THAP11: variants seen among roughly 807,000 people sequenced by gnomAD.
The protein encoded by THAP11 is THAP domain containing 11.
Under a neutral mutation model 24.1 loss-of-function variants are expected in THAP11, and 8 were observed. That is an observed-to-expected ratio of 0.33 (90% CI 0.20 to 0.60). The LOEUF (loss-of-function observed/expected upper bound fraction) is 0.60. Ranked by LOEUF, THAP11 falls within the 20% of genes least tolerant of loss-of-function variation. The pLI is 0.82. For synonymous variants in THAP11, 222 were observed against 180.2 expected, an observed-to-expected ratio of 1.23 and a Z score of -1.86; for missense variants, 276 against 418.4, an observed-to-expected ratio of 0.66 and a Z score of 2.97.
chr16:67,842,875 A>ACAG lies in THAP11; in HGVS notation c.336_338dup (p.Gln132dup), dbSNP rs762773277. 4.7e-4 allele frequency: 759 copies of ACAG among 1,600,162 alleles called. 2 individuals carry two copies. Among genetic ancestry groups the ACAG allele is most frequent in the Middle Eastern group, 2.9e-3 (17 of 5,884 alleles). Reference sequence around the variant, plus strand: ...CCGCCCGCCGCAGGCAGCAGCAGCAACAGCAGCAGCAGCAGCAACAGCAGC... The same window carrying ACAG: ...CCGCCCGCCGCAGGCAGCAGCAGCAACAGCAGCAGCAGCAGCAGCAACAGCAGC... On this transcript the variant is annotated inframe_insertion, in exon 1 of 1. Transcript: ENST00000303596. This position sits in a 1 kb window ranked among gnomAD's most constrained non-coding sequence, Gnocchi z 4.9.
At position 67,843,636 on chromosome 16, in the gene THAP11, G is replaced by A; in HGVS notation, c.*137G>A. On this transcript the variant is annotated 3_prime_UTR_variant, in exon 1 of 1. Coordinates refer to ENST00000303596, the MANE Select transcript of THAP11 (RefSeq NM_020457.3). The surrounding 1 kb of genome is among the most constrained non-coding windows in gnomAD (Gnocchi z 5.7). ...AAGGCAGCTGGACTCTCTTGCTGGT[G>A]ACCTGGCATCCTCAATTGTTTCCTC... 2.3e-6 allele frequency: 2 copies of A among 862,082 alleles called. No homozygotes were observed. Among genetic ancestry groups the A allele is most frequent in the South Asian group, 3.7e-5 (2 of 54,044 alleles). The allele number at this position is 862,082 out of a possible 1,614,324, so 53.4% of individuals were successfully genotyped here. A position where few individuals can be genotyped will look rare whatever the true frequency, so the allele number is the denominator to read the frequency against.
chr16:67,842,592 A>G lies in THAP11; in HGVS notation c.38A>G (p.Asn13Ser), dbSNP rs1314632393. The change falls in exon 1 of 1, where the codon AAC (asparagine) becomes AGC (serine). Residue 13 changes from asparagine (N) to serine (S), a missense_variant. Physicochemically the swap from Asn to Ser is conservative, Grantham distance 46. Transcript: ENST00000303596. This position sits in a 1 kb window ranked among gnomAD's most constrained non-coding sequence, Gnocchi z 4.9. ...ACGTGCTGCGTGCCAGGCTGCTACA[A>G]CAACTCGCACCGGGACAAGGCGCTG... ...GFTCCVPGCY[N>S]NSHRDKALHF... The G allele has an allele frequency of 1.9e-6, 3 of 1,546,736 alleles. No homozygotes were observed. The highest frequency in any genetic ancestry group is 3.9e-5 in the Admixed American group (2 of 50,780).
chr16:67,843,601 A>C lies in THAP11; in HGVS notation c.*102A>C. On this transcript the variant is annotated 3_prime_UTR_variant, in exon 1 of 1. Coordinates refer to ENST00000303596, the MANE Select transcript of THAP11 (RefSeq NM_020457.3). This position sits in a 1 kb window ranked among gnomAD's most constrained non-coding sequence, Gnocchi z 5.7. Reference sequence around the variant, plus strand: ...ATACTCCTGGGCACTGGTTGACAGTACTGAGGCTTAAGGCAGCTGGACTCT... The same window carrying C: ...ATACTCCTGGGCACTGGTTGACAGTCCTGAGGCTTAAGGCAGCTGGACTCT... The C allele has an allele frequency of 2.4e-6, 3 of 1,231,292 alleles. No individual in the cohort carries two copies. The highest frequency in any genetic ancestry group is 3.4e-6 in the Non-Finnish European group (3 of 892,390). The allele number at this position is 1,231,292 out of a possible 1,614,324, so 76.3% of individuals were successfully genotyped here.
Position 67,842,473 on chromosome 16 carries a change from G to C in THAP11, c.-82G>C, listed in dbSNP as rs1161236090. On this transcript the variant is annotated 5_prime_UTR_variant, in exon 1 of 1. Coordinates refer to ENST00000303596, the MANE Select transcript of THAP11 (RefSeq NM_020457.3). This position sits in a 1 kb window ranked among gnomAD's most constrained non-coding sequence, Gnocchi z 4.9. Reference sequence around the variant, plus strand: ...AAGGCCTCGCGCGGCGCCGCCCGTCGAGGGGCGGGCGGCGGCGTAGCCACT... The same window carrying C: ...AAGGCCTCGCGCGGCGCCGCCCGTCCAGGGGCGGGCGGCGGCGTAGCCACT... The C allele has an allele frequency of 1.7e-6, 2 of 1,148,746 alleles. No homozygotes were observed. Among genetic ancestry groups the C allele is most frequent in the African/African-American group, 1.6e-5 (1 of 61,522 alleles). 71.2% of individuals were successfully genotyped at this position (1,148,746 alleles called of 1,614,324 possible).
rs770050625 is a variant in THAP11 at position 67,843,549 on chromosome 16, G to C, written c.*50G>C. ...ACTCCCAGACCCCATCCAGCCAGGG[G>C]ACCGCAGGCCATTGTTGAACTCCTC... is the stretch of plus-strand genomic sequence containing the variant. On this transcript the variant is annotated 3_prime_UTR_variant, in exon 1 of 1. Coordinates refer to ENST00000303596, the MANE Select transcript of THAP11 (RefSeq NM_020457.3). This position sits in a 1 kb window ranked among gnomAD's most constrained non-coding sequence, Gnocchi z 5.7. 2.6e-6 allele frequency: 4 copies of C among 1,561,180 alleles called. No homozygotes were observed. Among genetic ancestry groups the C allele is most frequent in the Non-Finnish European group, 3.5e-6 (4 of 1,151,890 alleles).
At position 67,842,534 on chromosome 16, in the gene THAP11, G is replaced by A; in HGVS notation, c.-21G>A. 6.7e-7 allele frequency: 1 copy of A among 1,490,300 alleles called. No homozygotes were observed. The highest frequency in any genetic ancestry group is 1.3e-5 in the South Asian group (1 of 76,200). 92.3% of individuals were successfully genotyped at this position (1,490,300 alleles called of 1,614,324 possible). A position where few individuals can be genotyped will look rare whatever the true frequency, so the allele number is the denominator to read the frequency against. On this transcript the variant is annotated 5_prime_UTR_variant, in exon 1 of 1. Coordinates refer to ENST00000303596, the MANE Select transcript of THAP11 (RefSeq NM_020457.3). This position sits in a 1 kb window ranked among gnomAD's most constrained non-coding sequence, Gnocchi z 4.9. ...AGAGCGCAGGAGGCCGGTGGGCCGG[G>A]CCGGGCCGCGCGGCGCAGCCATGCC...
At position 67,842,823 on chromosome 16, in the gene THAP11, T is replaced by C. The variant is rs1421486627; in HGVS notation, c.269T>C (p.Val90Ala). 3 of 1,609,044 alleles carry C rather than the reference T, an allele frequency of 1.9e-6. No individual in the cohort carries two copies. The highest frequency in any genetic ancestry group is 2.7e-5 in the African/African-American group (2 of 74,310). The part of the protein sequence containing the change: ...FPLRGVNERK[V>A]ARRPAGAAAA... ...CTGCGCGGCGTCAATGAGCGCAAAG[T>C]AGCGCGCAGACCCGCTGGGGCCGCG... Residue 90 changes from valine (V) to alanine (A), a missense_variant, in exon 1 of 1, where the codon GTA becomes GCA. Val to Ala is a moderately conservative substitution (Grantham distance 64, BLOSUM62 0). This residue lies in a region of THAP11 where 210 missense variants were observed against 203.4 expected (regional missense o/e 1.03). Transcript: ENST00000303596. The surrounding 1 kb of genome is among the most constrained non-coding windows in gnomAD (Gnocchi z 4.9).
In THAP11 at chr16:67,843,117, T is replaced by A. The variant is rs752626255; in HGVS notation, c.563T>A (p.Ile188Asn). The A allele has an allele frequency of 6.2e-7, 1 of 1,610,420 alleles. No homozygotes were observed. The highest frequency in any genetic ancestry group is 8.5e-7 in the Non-Finnish European group (1 of 1,179,808). Residue 188 changes from isoleucine to asparagine, a missense_variant, in exon 1 of 1, where the codon ATC becomes AAC. Transcript: ENST00000303596. This position sits in a 1 kb window ranked among gnomAD's most constrained non-coding sequence, Gnocchi z 5.7. Reference sequence around the variant, plus strand: ...CCCACTGGAGAAGACGTGAAGCCCATCGATCTCACAGTGCAAGTGGAGTTT... The same window carrying A: ...CCCACTGGAGAAGACGTGAAGCCCAACGATCTCACAGTGCAAGTGGAGTTT... ...ITPTGEDVKP[I>N]DLTVQVEFAA...
chr16:67,844,077 A>G lies in THAP11; in HGVS notation c.*578A>G, dbSNP rs995597670. ...TGGAGATCCAGCTTGCCAGGGACTT[A>G]GGTTTATCCTGTTTTGTTTGCTACT... On this transcript the variant is annotated 3_prime_UTR_variant, in exon 1 of 1. Transcript: ENST00000303596. 1 of 167,104 alleles carries G rather than the reference A, an allele frequency of 6.0e-6. No homozygotes were observed. The highest frequency in any genetic ancestry group is 2.4e-5 in the African/African-American group (1 of 41,428). 10.4% of individuals were successfully genotyped at this position (167,104 alleles called of 1,614,324 possible). A position where few individuals can be genotyped will look rare whatever the true frequency, so the allele number is the denominator to read the frequency against.
chr16:67,843,621 G>T lies in THAP11; in HGVS notation c.*122G>T. ...ACAGTACTGAGGCTTAAGGCAGCTG[G>T]ACTCTCTTGCTGGTGACCTGGCATC... On this transcript the variant is annotated 3_prime_UTR_variant, in exon 1 of 1. Coordinates refer to ENST00000303596, the MANE Select transcript of THAP11 (RefSeq NM_020457.3). The surrounding 1 kb of genome is among the most constrained non-coding windows in gnomAD (Gnocchi z 5.7). 1 of 1,020,922 alleles carries T rather than the reference G, an allele frequency of 9.8e-7. No individual in the cohort carries two copies. The allele number at this position is 1,020,922 out of a possible 1,614,324, so 63.2% of individuals were successfully genotyped here. A position where few individuals can be genotyped will look rare whatever the true frequency, so the allele number is the denominator to read the frequency against.
In THAP11 at chr16:67,842,776, A is replaced by G. The variant is rs1239160254; in HGVS notation, c.222A>G (p.Val74=). 6.2e-7 allele frequency: 1 copy of G among 1,610,734 alleles called. No homozygotes were observed. The highest frequency in any genetic ancestry group is 8.5e-7 in the Non-Finnish European group (1 of 1,178,910). ...AGGGCGGCCGCAAGACCTACACGGTACGCGTCCCCACCATCTTCCCGCTGC... is the reference window on the plus strand; with the variant it reads ...AGGGCGGCCGCAAGACCTACACGGTGCGCGTCCCCACCATCTTCCCGCTGC... ...HFQGGRKTYT[V]RVPTIFPLRG... The change falls in exon 1 of 1, where the codon GTA becomes GTG. Residue 74 remains valine (V), a synonymous_variant. Transcript: ENST00000303596. The surrounding 1 kb of genome is among the most constrained non-coding windows in gnomAD (Gnocchi z 4.9).
In THAP11 at chr16:67,842,481, G is replaced by A; in HGVS notation, c.-74G>A. On this transcript the variant is annotated 5_prime_UTR_variant, in exon 1 of 1. Coordinates refer to ENST00000303596, the MANE Select transcript of THAP11 (RefSeq NM_020457.3). The surrounding 1 kb of genome is among the most constrained non-coding windows in gnomAD (Gnocchi z 4.9). ...GCGCGGCGCCGCCCGTCGAGGGGCG[G>A]GCGGCGGCGTAGCCACTGGGCCGTC... 9.9e-6 allele frequency: 12 copies of A among 1,206,258 alleles called. No individual in the cohort carries two copies. The highest frequency in any genetic ancestry group is 1.3e-5 in the Non-Finnish European group (12 of 954,772). The allele number at this position is 1,206,258 out of a possible 1,614,324, so 74.7% of individuals were successfully genotyped here.
At position 67,843,514 on chromosome 16, in the gene THAP11, A is replaced by T. The variant is rs1357712421; in HGVS notation, c.*15A>T. The stretch of plus-strand genomic sequence containing the variant: ...ACGGAATGTGAACTGGTGCCCCGGC[A>T]GCCTGCTGGACTCCCAGACCCCATC... On this transcript the variant is annotated 3_prime_UTR_variant, in exon 1 of 1. Coordinates refer to ENST00000303596, the MANE Select transcript of THAP11 (RefSeq NM_020457.3). The surrounding 1 kb of genome is among the most constrained non-coding windows in gnomAD (Gnocchi z 5.7). The T allele has an allele frequency of 6.3e-7, 1 of 1,593,870 alleles. No individual in the cohort carries two copies. The highest frequency in any genetic ancestry group is 8.6e-7 in the Non-Finnish European group (1 of 1,169,396).
Position 67,843,516 on chromosome 16 carries a change from C to T in THAP11, c.*17C>T. ...GGAATGTGAACTGGTGCCCCGGCAG[C>T]CTGCTGGACTCCCAGACCCCATCCA... On this transcript the variant is annotated 3_prime_UTR_variant, in exon 1 of 1. Coordinates refer to ENST00000303596, the MANE Select transcript of THAP11 (RefSeq NM_020457.3). The surrounding 1 kb of genome is among the most constrained non-coding windows in gnomAD (Gnocchi z 5.7). 2 of 1,592,884 alleles carry T rather than the reference C, an allele frequency of 1.3e-6. No individual in the cohort carries two copies. Among genetic ancestry groups the T allele is most frequent in the Non-Finnish European group, 1.7e-6 (2 of 1,168,944 alleles).
chr16:67,843,203 G>C lies in THAP11; in HGVS notation c.649G>C (p.Gly217Arg), dbSNP rs773345194. Residue 217 changes from glycine (G) to arginine (R), a missense_variant, in exon 1 of 1, where the codon GGG becomes CGG. By Grantham distance (125) the Gly-to-Arg change is moderately radical. Transcript: ENST00000303596. The surrounding 1 kb of genome is among the most constrained non-coding windows in gnomAD (Gnocchi z 5.7). ...AASELQAATA[G>R]LEAAECPMGP... ...GTCGGAGTTACAGGCTGCTACCGCA[G>C]GGCTGGAGGCTGCCGAGTGCCCTAT... The C allele has an allele frequency of 6.8e-6, 11 of 1,611,614 alleles. No homozygotes were observed. Among genetic ancestry groups the C allele is most frequent in the Non-Finnish European group, 9.3e-6 (11 of 1,179,732 alleles).
rs2057777935 is a variant in THAP11 at position 67,843,286 on chromosome 16, T to C, written c.732T>C (p.His244=). 6.2e-7 allele frequency: 1 copy of C among 1,613,760 alleles called. No homozygotes were observed. The highest frequency in any genetic ancestry group is 8.5e-7 in the Non-Finnish European group (1 of 1,179,982). ...GCTTCCCTGATACTGGCTCCGACCA[T>C]TCGTACTCCTTGTCGTCAGGCACCA... ...EEGFPDTGSD[H]SYSLSSGTTE... The change falls in exon 1 of 1, where the codon CAT becomes CAC. Residue 244 remains histidine, a synonymous_variant. Transcript: ENST00000303596. This position sits in a 1 kb window ranked among gnomAD's most constrained non-coding sequence, Gnocchi z 5.7.
Position 67,842,938 on chromosome 16 carries a change from G to C in THAP11, c.384G>C (p.Gln128His), listed in dbSNP as rs1378613103. ...AGCAGCAACAGCAGCAGCAGCAGCA[G>C]CAGCAGCAGCAGTCCTCACCCTCTG... Reference protein sequence around the residue: ...QQQQQQQQQQQQQQQSSPSAS... With the variant: ...QQQQQQQQQQHQQQQSSPSAS... Residue 128 changes from glutamine (Q) to histidine (H), a missense_variant, in exon 1 of 1, where the codon CAG becomes CAC. Around this residue, in one of 3 missense-constraint regions of THAP11, gnomAD observed 210 missense variants for 203.4 expected, o/e 1.03. Transcript: ENST00000303596. The surrounding 1 kb of genome is among the most constrained non-coding windows in gnomAD (Gnocchi z 4.9). 1 of 1,607,656 alleles carries C rather than the reference G, an allele frequency of 6.2e-7. No homozygotes were observed.
At position 67,842,941 on chromosome 16, in the gene THAP11, G is replaced by GCAGCAA. The variant is rs1430723954; in HGVS notation, c.392_393insACAGCA (p.Gln131_Gln132dup). On this transcript the variant is annotated inframe_insertion, in exon 1 of 1. Transcript: ENST00000303596. This position sits in a 1 kb window ranked among gnomAD's most constrained non-coding sequence, Gnocchi z 4.9. ...AGCAACAGCAGCAGCAGCAGCAGCA[G>GCAGCAA]CAGCAGCAGTCCTCACCCTCTGCCT... is the stretch of plus-strand genomic sequence containing the variant. 6 of 1,610,244 alleles carry GCAGCAA rather than the reference G, an allele frequency of 3.7e-6. No homozygotes were observed. Among genetic ancestry groups the GCAGCAA allele is most frequent in the South Asian group, 1.1e-5 (1 of 90,978 alleles).
In THAP11 at chr16:67,842,459, C is replaced by A; in HGVS notation, c.-96C>A. 9.8e-7 allele frequency: 1 copy of A among 1,024,492 alleles called. No homozygotes were observed. The highest frequency in any genetic ancestry group is 1.2e-6 in the Non-Finnish European group (1 of 800,502). 63.5% of individuals were successfully genotyped at this position (1,024,492 alleles called of 1,614,324 possible). A position where few individuals can be genotyped will look rare whatever the true frequency, so the allele number is the denominator to read the frequency against. ...GTGGGATACCACCCAAGGCCTCGCG[C>A]GGCGCCGCCCGTCGAGGGGCGGGCG... On this transcript the variant is annotated 5_prime_UTR_variant, in exon 1 of 1. Coordinates refer to ENST00000303596, the MANE Select transcript of THAP11 (RefSeq NM_020457.3). The surrounding 1 kb of genome is among the most constrained non-coding windows in gnomAD (Gnocchi z 4.9).
Sources: gnomAD v4.1 joint callset for allele counts on GRCh38, gnomAD v4.1.1 for gene constraint, gnomAD v4.1.1 regional missense constraint, Gnocchi (gnomAD v3.1) non-coding constraint, MANE v1.5 for transcripts, NCBI Gene and HGNC (gene_info 2026-07-23, HGNC 2026-07-21) for gene names.